COL19A1: variants seen among roughly 807,000 people sequenced by gnomAD.
COL19A1 encodes the protein collagen type XIX alpha 1 chain.
COL19A1 carries 159 observed loss-of-function variants against 190.2 expected under a neutral mutation model. The observed-to-expected ratio is 0.84, with a 90% confidence interval of 0.73 to 0.95. The LOEUF is 0.95. Among genes scored for constraint, COL19A1 ranks in the 40% least tolerant of loss-of-function variants. COL19A1 has a pLI of 0.00. For missense variants in COL19A1, 1,418 were observed against 1,431.9 expected, an observed-to-expected ratio of 0.99 and a Z score of 0.16; for synonymous variants, 509 against 458.9, an observed-to-expected ratio of 1.11 and a Z score of -1.39.
At chr6:70,150,428 A>G (rs893155922) in intron 30 of COL19A1, among the ~76,000 whole-genome samples, 1 of 152,124 alleles carries the variant, frequency 6.6e-6, no homozygotes, top group African/African-American at 2.4e-5. Context: ...ACAATATGGT[A>G]TAGATCCATT....
At chr6:70,036,056 C>T (rs578102384) in intron 14 of COL19A1, 117 bp downstream of exon 14, 5 of 926,704 alleles carry the variant, frequency 5.4e-6, no homozygotes, top group East Asian at 2.6e-5. Context: ...AAGGTGACTT[C>T]GAGTACATGT....
intron 11 of COL19A1, among the ~76,000 whole-genome samples, chr6:69,986,651 G>A (rs1445368655): frequency 3.3e-5 from 5 of 152,202 alleles, no homozygotes; most frequent in Non-Finnish European, 1.5e-5. Context: ...GAACTTCTGG[G>A]CATATATACT....
At chr6:69,869,667 A>C (rs1461268134) in intron 1 of COL19A1, among the ~76,000 whole-genome samples, 1 of 152,268 alleles carries the variant, frequency 6.6e-6, no homozygotes, top group African/African-American at 2.4e-5. Flanking sequence ...ACAGAGCAAG[A>C]GAATTGTAAT....
At position 70,207,183 on chromosome 6, in the gene COL19A1, C is replaced by A; in HGVS notation, c.3338C>A (p.Pro1113Gln). 1 of 1,612,998 alleles carries A rather than the reference C, an allele frequency of 6.2e-7. No individual in the cohort carries two copies. The highest frequency in any genetic ancestry group is 1.1e-5 in the South Asian group (1 of 91,032). Residue 1113 changes from proline (P) to glutamine (Q), a missense_variant, in exon 51 of 51, where the codon CCA becomes CAA. Pro to Gln is a moderately conservative substitution (Grantham distance 76, BLOSUM62 -1). Transcript: ENST00000620364. ...GLPGSPGAPG[P>Q]QGPPGPSGRC... Reference sequence around the variant, plus strand: ...CCAGGCTCACCAGGTGCCCCAGGCCCACAGGGCCCCCCAGGACCCAGTGGA... The same window carrying A: ...CCAGGCTCACCAGGTGCCCCAGGCCAACAGGGCCCCCCAGGACCCAGTGGA...
chr6:70,000,565 C>A (rs1259817319), intron 11 of COL19A1, among the ~76,000 whole-genome samples: 1 of 152,176 alleles, frequency 6.6e-6, no homozygotes, highest in Non-Finnish European at 1.5e-5. Flanking sequence ...GCCATTCTGA[C>A]TGGCATGAGA....
chr6:69,886,194 AAAG>A (rs1427727160), intron 2 of COL19A1, among the ~76,000 whole-genome samples: 1 of 152,244 alleles, frequency 6.6e-6, no homozygotes, highest in African/African-American at 2.4e-5. Context: ...TTTCTACAAA[AAAG>A]AGATAAAAAT....
intron 15 of COL19A1, among the ~76,000 whole-genome samples, chr6:70,073,093 T>A (rs891683971): frequency 2.0e-5 from 3 of 152,082 alleles, no homozygotes; most frequent in Non-Finnish European, 4.4e-5. Flanking sequence ...GTTCAAGTGA[T>A]TCTCCTGCCT....
intron 17 of COL19A1, among the ~76,000 whole-genome samples, chr6:70,126,999 AT>A (rs1785241969): frequency 6.6e-6 from 1 of 152,226 alleles, no homozygotes; most frequent in African/African-American, 2.4e-5. Context: ...ATGATTAGAG[AT>A]TACTGGCTCA....
intron 11 of COL19A1, among the ~76,000 whole-genome samples, chr6:69,998,497 C>A (rs1777057086): frequency 6.6e-6 from 1 of 151,460 alleles, no homozygotes; most frequent in African/African-American, 2.4e-5. Flanking sequence ...TTTAAAAAAA[C>A]TAACCGAGCA....
At chr6:69,923,373 G>A (rs986945412) in intron 4 of COL19A1, among the ~76,000 whole-genome samples, 5 of 152,284 alleles carry the variant, frequency 3.3e-5, no homozygotes, top group South Asian at 2.1e-4. Flanking sequence ...GCTGGAAAGG[G>A]AAGAAAGAGT....
At position 70,068,420 on chromosome 6, in the gene COL19A1, T is replaced by C. The variant is rs1260906565; in HGVS notation, c.1171-3T>C. On this transcript the variant is annotated splice_region_variant and splice_polypyrimidine_tract_variant and intron_variant, in intron 14 of 50. Coordinates refer to ENST00000620364, the MANE Select transcript of COL19A1 (RefSeq NM_001858.6). Reference sequence around the variant, plus strand: ...ATTAACATGTGTCTCTTTTTCCTCATAGGGTTCCCTGGGGATACAAGGCCC... The same window carrying C: ...ATTAACATGTGTCTCTTTTTCCTCACAGGGTTCCCTGGGGATACAAGGCCC... 4 of 1,584,804 alleles carry C rather than the reference T, an allele frequency of 2.5e-6. No homozygotes were observed. The highest frequency in any genetic ancestry group is 8.7e-7 in the Non-Finnish European group (1 of 1,154,002).
intron 37 of COL19A1, 21 bp from the exon 38 acceptor site, chr6:70,168,004 G>T (rs374842124): frequency 6.4e-7 from 1 of 1,555,776 alleles, no homozygotes; most frequent in Admixed American, 1.7e-5. Context: ...GAATAATTCT[G>T]TATCTCACCT....
rs1291676164 is a variant in COL19A1, at chr6:69,879,649, G to A, written c.82G>A (p.Asp28Asn). The A allele has an allele frequency of 3.1e-6, 5 of 1,614,044 alleles. No individual in the cohort carries two copies. Among genetic ancestry groups the A allele is most frequent in the Non-Finnish European group, 3.4e-6 (4 of 1,179,998 alleles). The change falls in exon 2 of 51, where the codon GAC becomes AAC. Residue 28 changes from aspartate (D) to asparagine (N), a missense_variant. Coordinates refer to ENST00000620364, the MANE Select transcript of COL19A1 (RefSeq NM_001858.6). The part of the protein sequence containing the change: ...LPASTSVTVR[D>N]KTEESCPILR... ...TGCTTCCACTTCCGTGACCGTTAGG[G>A]ACAAGACAGGTATCCAGGCCAACTC...
Position 70,210,116 on chromosome 6 carries a change from A to C in COL19A1, c.*2842A>C, listed in dbSNP as rs1768098546. On this transcript the variant is annotated 3_prime_UTR_variant, in exon 51 of 51. Coordinates refer to ENST00000620364, the MANE Select transcript of COL19A1 (RefSeq NM_001858.6). ...ATAACTCTTGTTTGCACTCCAGAAA[A>C]CAACATACATGTTTAAATACAAAAT... 1 of 152,206 alleles carries C rather than the reference A, an allele frequency of 6.6e-6. No homozygotes were observed. The highest frequency in any genetic ancestry group is 6.5e-5 in the Admixed American group (1 of 15,278). 9.4% of individuals were successfully genotyped at this position (152,206 alleles called of 1,614,324 possible). A position where few individuals can be genotyped will look rare whatever the true frequency, so the allele number is the denominator to read the frequency against.
At chr6:69,977,434 GGGGGAGC>G (rs1220416413) in intron 11 of COL19A1, among the ~76,000 whole-genome samples, 38 of 133,380 alleles carry the variant, frequency 2.8e-4, no homozygotes, top group African/African-American at 3.3e-4. Flanking sequence ...GAGGGGGGAG[GGGGGAGC>G]GATAGCATTA....
At chr6:69,987,312 A>G (rs538062974) in intron 11 of COL19A1, among the ~76,000 whole-genome samples, 2 of 152,338 alleles carry the variant, frequency 1.3e-5, no homozygotes, top group African/African-American at 4.8e-5. Context: ...TTATTTACTA[A>G]TAACTCTATG....
At chr6:69,875,808 GAC>G (rs1174233594) in intron 1 of COL19A1, among the ~76,000 whole-genome samples, 1 of 152,108 alleles carries the variant, frequency 6.6e-6, no homozygotes, top group Non-Finnish European at 1.5e-5. Context: ...TAGGCAGCTG[GAC>G]ACACAGTCTA....
chr6:69,968,098 G>T (rs1457054619), intron 11 of COL19A1, among the ~76,000 whole-genome samples: 1 of 152,062 alleles, frequency 6.6e-6, no homozygotes, highest in Non-Finnish European at 1.5e-5. Flanking sequence ...ATATATTTAG[G>T]CTTGGTGCTG....
intron 15 of COL19A1, among the ~76,000 whole-genome samples, chr6:70,073,337 T>C (rs1382634220): frequency 1.3e-5 from 2 of 152,126 alleles, no homozygotes; most frequent in Non-Finnish European, 2.9e-5. Context: ...AGCTTTGTGA[T>C]CTTGTGTGAA....
Sources: allele counts gnomAD v4.1 joint callset (sites outside exome capture counted in the v4.1 genomes callset), GRCh38; gene constraint gnomAD v4.1.1; transcripts MANE v1.5; gene names NCBI Gene and HGNC (gene_info 2026-07-23, HGNC 2026-07-21).